AGBL4: variants seen among roughly 807,000 people sequenced by gnomAD.
AGBL4 encodes the protein cytosolic carboxypeptidase 6.
Under a neutral mutation model 66.4 loss-of-function variants are expected in AGBL4, and 58 were observed. That is an observed-to-expected ratio of 0.87 (90% CI 0.71 to 1.09). AGBL4 has a LOEUF of 1.09. Ranked by LOEUF, AGBL4 falls within the 50% of genes least tolerant of loss-of-function variation. AGBL4 has a pLI of 0.00. For synonymous variants in AGBL4, 234 were observed against 222.9 expected, an observed-to-expected ratio of 1.05 and a Z score of -0.44; for missense variants, 579 against 631.0, an observed-to-expected ratio of 0.92 and a Z score of 0.88.
chr1:49,940,647 A>C (rs953364344), intron 1 of AGBL4, among the ~76,000 whole-genome samples: 4 of 152,080 alleles, frequency 2.6e-5, no homozygotes, highest in African/African-American at 9.7e-5. Context: ...TGGGAATTGA[A>C]CAATGAGAAC....
At chr1:50,004,714 G>A (rs1224175044) in intron 1 of AGBL4, among the ~76,000 whole-genome samples, 1 of 152,244 alleles carries the variant, frequency 6.6e-6, no homozygotes, top group South Asian at 2.1e-4. Flanking sequence ...AGTCTTAGCA[G>A]GATGCATCAT....
intron 3 of AGBL4, among the ~76,000 whole-genome samples, chr1:49,633,861 ATAGT>A (rs1645617855): frequency 6.8e-6 from 1 of 146,036 alleles, no homozygotes; most frequent in African/African-American, 2.5e-5. Context: ...ATAGTTACAT[ATAGT>A]TAAATAATTT....
intron 4 of AGBL4, among the ~76,000 whole-genome samples, chr1:49,059,619 T>C (rs976778458): frequency 6.6e-6 from 1 of 152,136 alleles, no homozygotes; most frequent in Non-Finnish European, 1.5e-5. Context: ...GCTTGCACCA[T>C]GCACCTGGAA....
intron 8 of AGBL4, among the ~76,000 whole-genome samples, chr1:48,646,727 A>G (rs1240186309): frequency 6.6e-6 from 1 of 152,068 alleles, no homozygotes; most frequent in Admixed American, 6.5e-5. Context: ...GCTTCAGGAG[A>G]CAGTGTATCA....
At chr1:49,282,169 G>A (rs1389930195) in intron 3 of AGBL4, among the ~76,000 whole-genome samples, 1 of 152,204 alleles carries the variant, frequency 6.6e-6, no homozygotes, top group Non-Finnish European at 1.5e-5. Context: ...ACATATGTTG[G>A]TTACCAGAGG....
chr1:48,531,515 G>A (rs1334211676), downstream of AGBL4, among the ~76,000 whole-genome samples: 1 of 152,096 alleles, frequency 6.6e-6, no homozygotes, highest in African/African-American at 2.4e-5. Context: ...GGGAGTTCAT[G>A]GTCTTCCAAA....
At chr1:49,436,004 A>G (rs992398101) in intron 3 of AGBL4, among the ~76,000 whole-genome samples, 5 of 152,172 alleles carry the variant, frequency 3.3e-5, no homozygotes, top group Non-Finnish European at 7.4e-5. Context: ...AAACATGCTA[A>G]TGATGTTTGT....
chr1:48,583,833 C>T (rs953050705), intron 11 of AGBL4: 1 of 150,832 alleles, frequency 6.6e-6, no homozygotes, highest in Non-Finnish European at 1.5e-5. Flanking sequence ...CCTGAAGTCT[C>T]CCTCTGTTAT....
At chr1:49,367,106 GAAACAAAC>G (rs765999644) in intron 3 of AGBL4, among the ~76,000 whole-genome samples, 2 of 152,134 alleles carry the variant, frequency 1.3e-5, no homozygotes, top group Non-Finnish European at 2.9e-5. Context: ...AATGACTAAT[GAAACAAAC>G]AAACAAAGAA....
chr1:49,855,249 C>T (rs1480402711), intron 1 of AGBL4, among the ~76,000 whole-genome samples: 1 of 152,110 alleles, frequency 6.6e-6, no homozygotes, highest in Non-Finnish European at 1.5e-5. Flanking sequence ...AACACCAGAA[C>T]ATCCAGATAT....
At chr1:49,281,719 A>C (rs974169219) in intron 3 of AGBL4, among the ~76,000 whole-genome samples, 6 of 152,242 alleles carry the variant, frequency 3.9e-5, no homozygotes, top group Admixed American at 6.5e-5. Context: ...CACAATGGCC[A>C]ATAATGAAGC....
At chr1:49,849,476 C>CAT (rs1349122980) in intron 2 of AGBL4, among the ~76,000 whole-genome samples, 1 of 139,076 alleles carries the variant, frequency 7.2e-6, no homozygotes, top group African/African-American at 2.9e-5. Context: ...ACAAAGTATA[C>CAT]ATACACACAC....
intron 9 of AGBL4, among the ~76,000 whole-genome samples, chr1:48,611,409 C>A (rs1645237268): frequency 6.6e-6 from 1 of 152,260 alleles, no homozygotes; most frequent in Non-Finnish European, 1.5e-5. Flanking sequence ...GGACCCAGTA[C>A]ACTCCCTGGG....
intron 1 of AGBL4, among the ~76,000 whole-genome samples, chr1:49,950,139 C>T (rs1203939617): frequency 1.4e-5 from 2 of 139,360 alleles, no homozygotes; most frequent in Non-Finnish European, 3.1e-5. Context: ...TATATATATA[C>T]ACATATGTGT....
intron 9 of AGBL4, among the ~76,000 whole-genome samples, chr1:48,608,234 T>A (rs1411243177): frequency 6.6e-6 from 1 of 152,142 alleles, no homozygotes; most frequent in African/African-American, 2.4e-5. Context: ...TTTCTTGGCT[T>A]ATGGAGTGTG....
intron 3 of AGBL4, among the ~76,000 whole-genome samples, chr1:49,573,186 GTGTA>G (rs752585590): frequency 2.3e-4 from 33 of 141,164 alleles, no homozygotes; most frequent in Non-Finnish European, 4.0e-4. Context: ...GTGTGTGTGT[GTGTA>G]TACTTTTAGT....
At chr1:48,528,687 C>T (rs997070544), downstream of AGBL4, among the ~76,000 whole-genome samples, 20 of 152,216 alleles carry the variant, frequency 1.3e-4, no homozygotes, top group African/African-American at 3.4e-4. Context: ...CTGACCAGCA[C>T]ACCACCTGAA....
chr1:49,175,261 A>AG (rs1417482445), intron 4 of AGBL4, among the ~76,000 whole-genome samples: 1 of 152,002 alleles, frequency 6.6e-6, no homozygotes, highest in Admixed American at 6.6e-5. Context: ...AAGGGGGATC[A>AG]GGGGCATTGA....
intron 3 of AGBL4, among the ~76,000 whole-genome samples, chr1:49,484,514 C>A (rs139438216): frequency 1.2e-3 from 179 of 152,042 alleles, no homozygotes; most frequent in African/African-American, 4.2e-3. Flanking sequence ...AGACAAAATT[C>A]ACATGTTCTC....
Sources: allele counts gnomAD v4.1 joint callset (sites outside exome capture counted in the v4.1 genomes callset), GRCh38; gene constraint gnomAD v4.1.1; transcripts MANE v1.5; gene names NCBI Gene and HGNC (gene_info 2026-07-23, HGNC 2026-07-21).